Variants in SLC24A3 observed in about 807,000 individuals in gnomAD.
The protein encoded by SLC24A3 is sodium/potassium/calcium exchanger 3.
In SLC24A3, 28 loss-of-function variants were observed where a neutral mutation model predicts 75.8. The observed-to-expected ratio is 0.37, with a 90% CI of 0.27 to 0.51. The LOEUF (loss-of-function observed/expected upper bound fraction) is 0.51, where lower values mean the gene tolerates loss of function less well. SLC24A3 is among the 20% of genes least tolerant of loss of function. SLC24A3 has a pLI of 0.94. For missense variants in SLC24A3, 663 were observed against 847.8 expected (o/e 0.78, Z 2.71); for synonymous variants, 372 against 334.1 (o/e 1.11, Z -1.24).
At chr20:19,503,713 T>C (rs2294897) in intron 2 of SLC24A3, among the ~76,000 whole-genome samples, 32,577 of 152,168 alleles carry the variant, frequency 0.21, 3,951 homozygotes, top group East Asian at 0.5. Flanking sequence ...CAATATTTTT[T>C]GTCTGCTTAT....
intron 15 of SLC24A3, among the ~76,000 whole-genome samples, chr20:19,712,595 G>A (rs1028277446): frequency 1.3e-5 from 2 of 152,212 alleles, no homozygotes; most frequent in African/African-American, 4.8e-5. Context: ...ATATGAGACA[G>A]TGACATGAGG....
chr20:19,539,630 C>T (rs1220161655), intron 3 of SLC24A3, among the ~76,000 whole-genome samples: 3 of 152,114 alleles, frequency 2.0e-5, no homozygotes, highest in Non-Finnish European at 4.4e-5. Flanking sequence ...CACCTTTCCT[C>T]CCCATCATAA....
rs1459667088 is a variant in SLC24A3 at position 19,215,458 on chromosome 20, A to G, written c.142+2474A>G. Among the ~76,000 whole-genome samples the G allele has an allele frequency of 9.9e-5, 15 of 152,170 alleles. 1 individual carries two copies. The highest frequency in any genetic ancestry group is 9.2e-4 in the Admixed American group (14 of 15,284). On this transcript the variant is annotated intron_variant, in intron 1 of 16. Transcript: ENST00000328041. ...ATATTTATATAATCTCATAGGGGGT[A>G]CCTTCATAATGATCAAAGGTAATAT...
rs980256564 is a variant in SLC24A3 at position 19,308,572 on chromosome 20, G to T, written c.271+27485G>T. Among the ~76,000 whole-genome samples, 4 of 152,166 alleles carry T rather than the reference G, an allele frequency of 2.6e-5. No homozygotes were observed. The South Asian group carries it at 8.3e-4, about 32-fold the overall frequency. On this transcript the variant is annotated intron_variant, in intron 2 of 16. Coordinates refer to ENST00000328041, the MANE Select transcript of SLC24A3 (RefSeq NM_020689.4). The stretch of plus-strand genomic sequence containing the variant: ...TCTCCCATTCATTTACTGTGAATTT[G>T]TCTGAGGGCTTATCAGGATAGATTC...
At chr20:19,637,017 G>A (rs1420565729) in intron 6 of SLC24A3, among the ~76,000 whole-genome samples, 1 of 152,200 alleles carries the variant, frequency 6.6e-6, no homozygotes, top group African/African-American at 2.4e-5. Context: ...GAAATTGTTG[G>A]CCTGGCACCG....
chr20:19,428,148 C>A (rs919068247), intron 2 of SLC24A3, among the ~76,000 whole-genome samples: 1 of 152,194 alleles, frequency 6.6e-6, no homozygotes. Flanking sequence ...TCTCTCCATG[C>A]AGTAGCAGCA....
chr20:19,373,971 A>T (rs527672549), intron 2 of SLC24A3, among the ~76,000 whole-genome samples: 4 of 152,178 alleles, frequency 2.6e-5, no homozygotes, highest in Non-Finnish European at 5.9e-5. Flanking sequence ...GAATAACTGG[A>T]TGAAGGATTC....
At chr20:19,306,990 A>T (rs1045578948) in intron 2 of SLC24A3, among the ~76,000 whole-genome samples, 12 of 152,120 alleles carry the variant, frequency 7.9e-5, no homozygotes, top group African/African-American at 2.9e-4. Context: ...TCTCCCAAGG[A>T]CTTGAGGTCT....
At chr20:19,659,140 G>A (rs931306788) in intron 7 of SLC24A3, among the ~76,000 whole-genome samples, 3 of 152,212 alleles carry the variant, frequency 2.0e-5, no homozygotes, top group Non-Finnish European at 1.5e-5. Context: ...CCCAGGTAAC[G>A]TGGGCCAGCT....
At chr20:19,559,356 A>T (rs2030837517) in intron 3 of SLC24A3, among the ~76,000 whole-genome samples, 1 of 152,202 alleles carries the variant, frequency 6.6e-6, no homozygotes, top group South Asian at 2.1e-4. Context: ...TATTGAATAC[A>T]TGTACTTCAT....
chr20:19,469,286 A>G (rs1987823726), intron 2 of SLC24A3, among the ~76,000 whole-genome samples: 1 of 152,180 alleles, frequency 6.6e-6, no homozygotes, highest in Admixed American at 6.5e-5. Flanking sequence ...CTGGGACTCG[A>G]ACAAGGAGAT....
chr20:19,632,791 A>G (rs1181597831), intron 6 of SLC24A3, among the ~76,000 whole-genome samples: 1 of 152,164 alleles, frequency 6.6e-6, no homozygotes, highest in African/African-American at 2.4e-5. Context: ...GCATGCTGAA[A>G]GGCTCTAGGC....
chr20:19,512,571 A>T (rs558958461), intron 2 of SLC24A3, among the ~76,000 whole-genome samples: 1 of 152,300 alleles, frequency 6.6e-6, no homozygotes, highest in East Asian at 1.9e-4. Context: ...TGTTGTGGAG[A>T]ATTGAAACTC....
intron 2 of SLC24A3, among the ~76,000 whole-genome samples, chr20:19,323,550 CAT>C (rs1473092136): frequency 1.3e-5 from 2 of 152,178 alleles, no homozygotes; most frequent in African/African-American, 4.8e-5. Context: ...ACTAGACCTT[CAT>C]ATCCAGACAG....
At chr20:19,651,394 T>TAC (rs1555804796) in intron 6 of SLC24A3, among the ~76,000 whole-genome samples, 66 of 83,254 alleles carry the variant, frequency 7.9e-4, no homozygotes, top group Admixed American at 4.6e-3. Flanking sequence ...TATATATATA[T>TAC]ACACACATAT....
At chr20:19,359,422 G>C (rs1440612463) in intron 2 of SLC24A3, among the ~76,000 whole-genome samples, 1 of 152,140 alleles carries the variant, frequency 6.6e-6, no homozygotes, top group African/African-American at 2.4e-5. Context: ...ACTGGGGGCT[G>C]CCCCAAAAGA....
At chr20:19,535,082 G>C (rs1204632641) in intron 3 of SLC24A3, among the ~76,000 whole-genome samples, 1 of 152,200 alleles carries the variant, frequency 6.6e-6, no homozygotes, top group Admixed American at 6.5e-5. Context: ...TATTTTACAG[G>C]AGTTTGGAAA....
intron 2 of SLC24A3, among the ~76,000 whole-genome samples, chr20:19,482,794 G>A (rs1988076957): frequency 6.6e-6 from 1 of 152,178 alleles, no homozygotes; most frequent in Non-Finnish European, 1.5e-5. Flanking sequence ...TCCTCACTTG[G>A]TGGGATCTCA....
chr20:19,474,431 C>T (rs1987927709), intron 2 of SLC24A3, among the ~76,000 whole-genome samples: 1 of 152,168 alleles, frequency 6.6e-6, no homozygotes, highest in African/African-American at 2.4e-5. Context: ...AAGGAAAATA[C>T]TAACTACATT....
Sources: gnomAD v4.1 joint callset for allele counts (sites outside exome capture counted in the v4.1 genomes callset) on GRCh38, gnomAD v4.1.1 for gene constraint, MANE v1.5 for transcripts, NCBI Gene and HGNC (gene_info 2026-07-23, HGNC 2026-07-21) for gene names.